The following CAMTA1 variants were observed in gnomAD, a reference collection of about 807,000 sequenced individuals.
CAMTA1 encodes the protein calmodulin binding transcription activator 1.
CAMTA1 carries 27 observed loss-of-function variants against 170.9 expected under a neutral mutation model. The ratio of observed to expected loss-of-function variants is 0.16; its 90% CI spans 0.12 to 0.22. The LOEUF is 0.22. CAMTA1 is among the 10% of genes least tolerant of loss of function. The pLI is 1.00. For missense variants in CAMTA1, 1,619 were observed against 2,217.2 expected, an observed-to-expected ratio of 0.73 and a Z score of 5.42; for synonymous variants, 833 against 891.5, an observed-to-expected ratio of 0.93 and a Z score of 1.17.
At chr1:6,795,753 G>C (rs1642336454) in intron 1 of CAMTA1, among the ~76,000 whole-genome samples, 1 of 152,126 alleles carries the variant, frequency 6.6e-6, no homozygotes, top group African/African-American at 2.4e-5. Context: ...ACTCTGCTGG[G>C]AACTGAACTA....
At chr1:7,543,291 A>C (rs564792979) in intron 6 of CAMTA1, among the ~76,000 whole-genome samples, 66 of 152,332 alleles carry the variant, frequency 4.3e-4, no homozygotes, top group African/African-American at 1.5e-3. Flanking sequence ...TCTGATGAAC[A>C]TCCTTATAAA....
chr1:7,579,552 C>CT (rs3034816), intron 6 of CAMTA1, among the ~76,000 whole-genome samples: 1,569 of 79,166 alleles, frequency 0.02, 56 homozygotes, highest in Middle Eastern at 0.031. Flanking sequence ...CTTTTCTTTT[C>CT]TTTTTTTTTT....
At chr1:7,033,186 G>A (rs1572573715) in intron 3 of CAMTA1, among the ~76,000 whole-genome samples, 1 of 152,258 alleles carries the variant, frequency 6.6e-6, no homozygotes, top group East Asian at 1.9e-4. Flanking sequence ...ATATTAGACT[G>A]CTTAAAGTTG....
chr1:7,626,153 A>T (rs780272028), intron 6 of CAMTA1, among the ~76,000 whole-genome samples: 2 of 152,170 alleles, frequency 1.3e-5, no homozygotes, highest in Non-Finnish European at 2.9e-5. Context: ...AAAAACATAC[A>T]GCCCAATTTA....
intron 5 of CAMTA1, among the ~76,000 whole-genome samples, chr1:7,398,227 A>C (rs1279426927): frequency 3.8e-5 from 4 of 104,786 alleles, no homozygotes; most frequent in Admixed American, 3.1e-4. Context: ...ATATATATAT[A>C]TATATATATA....
chr1:6,943,830 G>C (rs538045437), intron 3 of CAMTA1, among the ~76,000 whole-genome samples: 1 of 111,284 alleles, frequency 9.0e-6, no homozygotes, highest in Admixed American at 1.3e-4. Flanking sequence ...TTGGGTGACA[G>C]AAGGAGACTC....
At chr1:7,550,908 C>A (rs1374946745) in intron 6 of CAMTA1, among the ~76,000 whole-genome samples, 7 of 151,958 alleles carry the variant, frequency 4.6e-5, no homozygotes, top group Non-Finnish European at 8.8e-5. Flanking sequence ...AGCCCATAGA[C>A]ACCCCAGCTC....
rs2095705109 is a variant in CAMTA1, at chr1:7,635,563, C to T, written c.511-4837C>T. 6.6e-6 allele frequency among the ~76,000 whole-genome samples: 1 copy of T among 150,438 alleles called. No homozygotes were observed. The highest frequency in any genetic ancestry group is 2.5e-5 in the African/African-American group (1 of 40,604). ...GGCGGAGGTTGCAGTGAGCCGAGAT[C>T]GCGCCACTGCACTCCAGCCTGGGGG... On this transcript the variant is annotated intron_variant, in intron 6 of 22. Coordinates refer to ENST00000303635, the MANE Select transcript of CAMTA1 (RefSeq NM_015215.4). The surrounding 1 kb of genome is among the most constrained non-coding windows in gnomAD (Gnocchi z 4.4).
intron 3 of CAMTA1, among the ~76,000 whole-genome samples, chr1:7,004,199 G>T (rs1235893240): frequency 6.6e-6 from 1 of 152,202 alleles, no homozygotes. Flanking sequence ...TTTGAAGAGA[G>T]AATAATTGCC....
chr1:7,159,581 T>A (rs760565232), intron 4 of CAMTA1, among the ~76,000 whole-genome samples: 1 of 152,168 alleles, frequency 6.6e-6, no homozygotes, highest in Non-Finnish European at 1.5e-5. Context: ...TCTTGCTCTG[T>A]CACCCAGGCT....
chr1:7,591,460 AC>A (rs1313728426), intron 6 of CAMTA1, among the ~76,000 whole-genome samples: 114 of 152,356 alleles, frequency 7.5e-4, no homozygotes, highest in African/African-American at 2.5e-3. Flanking sequence ...ACAGACTGTT[AC>A]TGTAAAACAT....
intron 5 of CAMTA1, among the ~76,000 whole-genome samples, chr1:7,390,477 G>T (rs560528942): frequency 1.3e-5 from 2 of 152,194 alleles, no homozygotes; most frequent in African/African-American, 4.8e-5. Context: ...CAGTACCAGT[G>T]CACGGCCCAG....
rs193133011 is a variant in CAMTA1 at position 7,098,431 on chromosome 1, T to G, written c.302+7060T>G. ...AAAGGGCAACTGCAGGGTGAGGGAG[T>G]TGGCGGGTGCCACATCTGTCAGAGT... On this transcript the variant is annotated intron_variant, in intron 4 of 22. Coordinates refer to ENST00000303635, the MANE Select transcript of CAMTA1 (RefSeq NM_015215.4). Among the ~76,000 whole-genome samples, 3 of 152,098 alleles carry G rather than the reference T, an allele frequency of 2.0e-5. No homozygotes were observed. The East Asian group carries it at 5.8e-4, about 30-fold the overall frequency.
At position 7,728,240 on chromosome 1, in the gene CAMTA1, C is replaced by G. The variant is rs139981216; in HGVS notation, c.2915-4208C>G. On this transcript the variant is annotated intron_variant, in intron 11 of 22. Transcript: ENST00000303635. ...GGGTGACGCCGTGGGCAGGGCCTGA[C>G]TCAGTGATGTCAGGGAAGGTCTGTT... is the stretch of plus-strand genomic sequence containing the variant. Among the ~76,000 whole-genome samples, 4 of 152,362 alleles carry G rather than the reference C, an allele frequency of 2.6e-5. No individual in the cohort carries two copies. In the East Asian group the frequency reaches 7.7e-4, roughly 29 times the overall value.
At chr1:7,210,298 A>G (rs984914039) in intron 4 of CAMTA1, among the ~76,000 whole-genome samples, 1 of 152,198 alleles carries the variant, frequency 6.6e-6, no homozygotes, top group African/African-American at 2.4e-5. Context: ...TTTGCAGCAT[A>G]CAGGCCATTT....
chr1:7,450,647 C>T (rs533363549), intron 5 of CAMTA1, among the ~76,000 whole-genome samples: 22 of 152,336 alleles, frequency 1.4e-4, no homozygotes, highest in South Asian at 1.2e-3. Flanking sequence ...TGGATTCCAA[C>T]GAGTCATATT....
chr1:6,823,991 A>C (rs1646823789), intron 2 of CAMTA1, among the ~76,000 whole-genome samples: 1 of 152,166 alleles, frequency 6.6e-6, no homozygotes, highest in Admixed American at 6.6e-5. Flanking sequence ...TAACTTACCC[A>C]AGGTCACACA....
intron 3 of CAMTA1, among the ~76,000 whole-genome samples, chr1:7,002,579 C>G (rs114690774): frequency 3.7e-4 from 57 of 152,336 alleles, no homozygotes; most frequent in African/African-American, 1.3e-3. Context: ...AAATGACCGA[C>G]AAGACAGGGC....
chr1:7,290,061 G>A (rs944368517), intron 5 of CAMTA1, among the ~76,000 whole-genome samples: 2 of 152,218 alleles, frequency 1.3e-5, no homozygotes, highest in Non-Finnish European at 2.9e-5. Context: ...CAGTTTGTAA[G>A]CAATAGGTTA....
Sources: allele counts gnomAD v4.1 joint callset (sites outside exome capture counted in the v4.1 genomes callset), GRCh38; gene constraint gnomAD v4.1.1; non-coding constraint Gnocchi (gnomAD v3.1); transcripts MANE v1.5; gene names NCBI Gene and HGNC (gene_info 2026-07-23, HGNC 2026-07-21).